Variants in ASPH observed in about 807,000 individuals in gnomAD.
ASPH encodes the protein aspartate beta-hydroxylase, also known as aspartyl/asparaginyl beta-hydroxylase.
In ASPH, 100 loss-of-function variants were observed where a neutral mutation model predicts 118.4. That is an observed-to-expected ratio of 0.84 (90% CI 0.72 to 1.00). The LOEUF is 1.00. ASPH is among the 50% of genes least tolerant of loss of function. ASPH has a pLI of 0.00. For synonymous variants in ASPH, 315 were observed against 325.6 expected (o/e 0.97, Z 0.35); for missense variants, 920 against 919.5 (o/e 1.00, Z -0.01).
chr8:61,644,307 G>A (rs1806759031), intron 7 of ASPH, among the ~76,000 whole-genome samples: 1 of 152,194 alleles, frequency 6.6e-6, no homozygotes, highest in Non-Finnish European at 1.5e-5. Flanking sequence ...GACAAAACAT[G>A]ATTTAGACCT....
chr8:61,524,835 C>T (rs1304125145), intron 22 of ASPH, among the ~76,000 whole-genome samples: 1 of 151,500 alleles, frequency 6.6e-6, no homozygotes, highest in African/African-American at 2.4e-5. Context: ...CTCTAGGAGG[C>T]CCAGTAGGTT....
intron 5 of ASPH, among the ~76,000 whole-genome samples, chr8:61,650,772 T>C (rs1044472146): frequency 1.3e-5 from 2 of 152,184 alleles, no homozygotes; most frequent in Non-Finnish European, 2.9e-5. Flanking sequence ...TCCCCTTCTG[T>C]TCCTGATGGA....
At chr8:61,589,373 T>C (rs1023608307) in intron 14 of ASPH, among the ~76,000 whole-genome samples, 1 of 152,174 alleles carries the variant, frequency 6.6e-6, no homozygotes, top group African/African-American at 2.4e-5. Context: ...AAAAACAGCA[T>C]CCTTTTCAAA....
intron 22 of ASPH, among the ~76,000 whole-genome samples, chr8:61,518,585 A>G (rs893349206): frequency 6.6e-6 from 1 of 152,236 alleles, no homozygotes; most frequent in Admixed American, 6.5e-5. Context: ...ATTCTATACT[A>G]TAGTCTTACA....
At chr8:61,618,929 A>G (rs1047913504) in intron 14 of ASPH, 49 bp downstream of exon 14, 2 of 1,450,574 alleles carry the variant, frequency 1.4e-6, no homozygotes. Flanking sequence ...AAATCATGTT[A>G]TTCTTTTCCC....
At chr8:61,645,464 G>A (rs1807447805) in intron 6 of ASPH, among the ~76,000 whole-genome samples, 1 of 152,126 alleles carries the variant, frequency 6.6e-6, no homozygotes, top group South Asian at 2.1e-4. Context: ...GCCAAAGACT[G>A]GAGAGAAGAA....
Position 61,668,130 on chromosome 8 carries a change from T to C in ASPH, c.322+12838A>G, listed in dbSNP as rs189679140. On this transcript the variant is annotated intron_variant, in intron 3 of 24. Coordinates refer to ENST00000379454, the MANE Select transcript of ASPH (RefSeq NM_004318.4). ...GCACCCAAGCAAGACCCAAAAGCAA[T>C]AGTGTTTAGCATTAGTAGCAATATT... 36 of 1,147,116 alleles carry C rather than the reference T, an allele frequency of 3.1e-5. No homozygotes were observed. The African/African-American group carries it at 5.2e-4, about 17-fold the overall frequency. The allele number at this position is 1,147,116 out of a possible 1,614,324, so 71.1% of individuals were successfully genotyped here.
chr8:61,653,665 A>AT lies in ASPH; in HGVS notation c.323-6dup, dbSNP rs772502286. Reference sequence around the variant, plus strand: ...AAGTAGATCTCTCTTTAAGTCCTGCATTTTTTTATTCACAAAGTTAACTTG... The same window carrying AT: ...AAGTAGATCTCTCTTTAAGTCCTGCATTTTTTTTATTCACAAAGTTAACTTG... On this transcript the variant is annotated splice_region_variant and splice_polypyrimidine_tract_variant and intron_variant, in intron 3 of 24. Coordinates refer to ENST00000379454, the MANE Select transcript of ASPH (RefSeq NM_004318.4). 6.0e-5 allele frequency: 97 copies of AT among 1,612,004 alleles called. 2 individuals are homozygous for AT. Among genetic ancestry groups the AT allele is most frequent in the South Asian group, 4.5e-4 (41 of 90,574 alleles).
intron 21 of ASPH, among the ~76,000 whole-genome samples, chr8:61,532,959 CTCTT>C (rs1403937467): frequency 6.6e-6 from 1 of 152,108 alleles, no homozygotes; most frequent in African/African-American, 2.4e-5. Context: ...TTAAGACCTT[CTCTT>C]TCTTTCCTGT....
rs767845805 is a variant in ASPH at position 61,632,641 on chromosome 8, T to G, written c.934+1042A>C. ...CTCATTCATATTATAATACCAACAA[T>G]TCCATTCTCTTAATCAAATATTTGT... On this transcript the variant is annotated intron_variant, in intron 13 of 24. Coordinates refer to ENST00000379454, the MANE Select transcript of ASPH (RefSeq NM_004318.4). 1.4e-5 allele frequency: 7 copies of G among 494,390 alleles called. No homozygotes were observed. In the East Asian group the frequency reaches 4.1e-4, roughly 29 times the overall value. The allele number at this position is 494,390 out of a possible 1,614,324, so 30.6% of individuals were successfully genotyped here. A position where few individuals can be genotyped will look rare whatever the true frequency, so the allele number is the denominator to read the frequency against.
At chr8:61,544,752 C>T (rs990846325) in intron 21 of ASPH, among the ~76,000 whole-genome samples, 1 of 152,102 alleles carries the variant, frequency 6.6e-6, no homozygotes, top group African/African-American at 2.4e-5. Context: ...TTTGAGAACC[C>T]ATCATGTATT....
chr8:61,521,951 G>A (rs1007078418), intron 22 of ASPH, among the ~76,000 whole-genome samples: 4 of 152,080 alleles, frequency 2.6e-5, no homozygotes, highest in East Asian at 3.9e-4. Context: ...AGAACACTGC[G>A]TTGAGAAGGA....
intron 3 of ASPH, among the ~76,000 whole-genome samples, chr8:61,667,966 A>G (rs760918594): frequency 2.0e-5 from 3 of 152,160 alleles, no homozygotes; most frequent in Non-Finnish European, 4.4e-5. Flanking sequence ...AATATAACAT[A>G]TTTGTATAAT....
Position 61,633,806 on chromosome 8 carries a change from T to A in ASPH, c.890-79A>T, listed in dbSNP as rs1856625785. On this transcript the variant is annotated intron_variant, in intron 12 of 24. Coordinates refer to ENST00000379454, the MANE Select transcript of ASPH (RefSeq NM_004318.4). Reference sequence around the variant, plus strand: ...AATATGCGTTGCCAGATTTAAGTAATGATGATACTTTTCATAGATTTTTTA... The same window carrying A: ...AATATGCGTTGCCAGATTTAAGTAAAGATGATACTTTTCATAGATTTTTTA... The A allele has an allele frequency of 3.1e-6, 3 of 956,966 alleles. No homozygotes were observed. In the East Asian group the frequency reaches 8.2e-5, roughly 26 times the overall value. 59.3% of individuals were successfully genotyped at this position (956,966 alleles called of 1,614,324 possible). A position where few individuals can be genotyped will look rare whatever the true frequency, so the allele number is the denominator to read the frequency against.
At chr8:61,557,687 G>A (rs149849578) in intron 18 of ASPH, among the ~76,000 whole-genome samples, 105 of 152,290 alleles carry the variant, frequency 6.9e-4, no homozygotes, top group African/African-American at 2.4e-3. Context: ...CCCACTGCCT[G>A]TTATGCATAG....
At position 61,617,544 on chromosome 8, in the gene ASPH, C is replaced by G. The variant is rs576940007; in HGVS notation, c.976+1434G>C. ...TGATGATCGAGCTAATCTCACCGATCTATAAAACAGAGTCAGCCAACGGTT... is the reference window on the plus strand; with the variant it reads ...TGATGATCGAGCTAATCTCACCGATGTATAAAACAGAGTCAGCCAACGGTT... On this transcript the variant is annotated intron_variant, in intron 14 of 24. Coordinates refer to ENST00000379454, the MANE Select transcript of ASPH (RefSeq NM_004318.4). Among the ~76,000 whole-genome samples the G allele has an allele frequency of 2.0e-5, 3 of 152,258 alleles. No individual in the cohort carries two copies. The South Asian group carries it at 6.2e-4, about 32-fold the overall frequency.
chr8:61,688,854 T>C (rs1212297187), intron 1 of ASPH, among the ~76,000 whole-genome samples: 1 of 152,234 alleles, frequency 6.6e-6, no homozygotes, highest in East Asian at 1.9e-4. Context: ...TCTTCATGGC[T>C]ACATGAAGCA....
intron 22 of ASPH, 79 bp from the exon 23 acceptor site, chr8:61,518,202 T>C: frequency 3.3e-6 from 4 of 1,223,378 alleles, no homozygotes; most frequent in East Asian, 4.7e-5. Context: ...GTGAGAGCTA[T>C]ATGTCATCCT....
intron 13 of ASPH, chr8:61,626,095 G>GA (rs1047308177): frequency 1.5e-4 from 188 of 1,235,084 alleles, no homozygotes; most frequent in Middle Eastern, 4.5e-4. Flanking sequence ...TTTCTAAAAA[G>GA]AAAAAAAAAT....
Sources: gnomAD v4.1 joint callset for allele counts (sites outside exome capture counted in the v4.1 genomes callset) on GRCh38, gnomAD v4.1.1 for gene constraint, MANE v1.5 for transcripts, NCBI Gene and HGNC (gene_info 2026-07-23, HGNC 2026-07-21) for gene names.